The following ZNF568 variants were observed in gnomAD, a reference collection of about 807,000 sequenced individuals.
The protein encoded by ZNF568 is zinc finger protein 568, also known as p53 inhibitor of SCO2 activation.
In ZNF568, 11 loss-of-function variants were observed where a neutral mutation model predicts 18.1. The observed-to-expected ratio is 0.61, with a 90% CI of 0.38 to 1.00. The LOEUF (loss-of-function observed/expected upper bound fraction) is 1.00. Among genes scored for constraint, ZNF568 ranks in the 50% least tolerant of loss-of-function variants. The pLI is 0.01. For synonymous variants in ZNF568, 213 were observed against 246.6 expected, an observed-to-expected ratio of 0.86 and a Z score of 1.28; for missense variants, 639 against 768.2, an observed-to-expected ratio of 0.83 and a Z score of 1.99.
Position 36,951,877 on chromosome 19 carries a change from T to C in ZNF568, c.*789T>C, listed in dbSNP as rs1409033440. The C allele has an allele frequency of 3.2e-6, 3 of 928,614 alleles. No individual in the cohort carries two copies. The African/African-American group carries it at 5.4e-5, about 17-fold the overall frequency. The allele number at this position is 928,614 out of a possible 1,614,324, so 57.5% of individuals were successfully genotyped here. On this transcript the variant is annotated 3_prime_UTR_variant, in exon 7 of 7. Coordinates refer to ENST00000333987, the MANE Select transcript of ZNF568 (RefSeq NM_198539.4). ...CTCCTGACTTCAAAAGTGATCGCCC[T>C]CTTTGGCCTCCCAAAGTGCTGGGGT...
exon 5 of ZNF568, chr19:36,997,108 C>T: frequency 6.4e-7 from 1 of 1,566,828 alleles, no homozygotes; most frequent in Non-Finnish European, 8.6e-7. Flanking sequence ...TCAGATAATC[C>T]ATACTGGTGA....
At chr19:36,927,881 T>G (rs2073591744) in intron 4 of ZNF568, among the ~76,000 whole-genome samples, 1 of 56,000 alleles carries the variant, frequency 1.8e-5, no homozygotes, top group Non-Finnish European at 2.9e-5. Flanking sequence ...TATATATATA[T>G]ATATATTATA....
intron 4 of ZNF568, among the ~76,000 whole-genome samples, chr19:36,929,938 T>A (rs1370924187): frequency 2.0e-5 from 2 of 100,024 alleles, no homozygotes; most frequent in African/African-American, 1.0e-4. Context: ...GGCAGAAGCG[T>A]GTTCATGTTT....
intron 6 of ZNF568, 133 bp downstream of exon 6, chr19:36,937,375 G>T: frequency 1.6e-6 from 1 of 609,304 alleles, no homozygotes; most frequent in Non-Finnish European, 2.7e-6. Flanking sequence ...GGGATGGAGT[G>T]CTTTAGATTA....
At chr19:36,996,185 C>G (rs913133917) in intron 4 of ZNF568, 3 of 782,066 alleles carry the variant, frequency 3.8e-6, no homozygotes, top group Non-Finnish European at 5.9e-6. Context: ...TTTTTCACTT[C>G]CCTTTTTTTT....
chr19:36,938,908 G>C (rs1452717592), intron 6 of ZNF568, among the ~76,000 whole-genome samples: 1 of 152,068 alleles, frequency 6.6e-6, no homozygotes, highest in African/African-American at 2.4e-5. Flanking sequence ...CATGATTTTT[G>C]TTCCTTGAAA....
downstream of ZNF568, among the ~76,000 whole-genome samples, chr19:36,984,410 C>T (rs1644663): frequency 0.53 from 81,117 of 151,850 alleles, 22,180 homozygotes; most frequent in African/African-American, 0.62. Flanking sequence ...TCTTAACTTA[C>T]TAGTGTCTAA....
chr19:36,962,761 C>T (rs1166132739), intron 6 of ZNF568, among the ~76,000 whole-genome samples: 1 of 151,968 alleles, frequency 6.6e-6, no homozygotes, highest in East Asian at 1.9e-4. Flanking sequence ...GCATTCTTGG[C>T]TAGTTTTCTT....
intron 4 of ZNF568, among the ~76,000 whole-genome samples, chr19:36,994,694 T>C (rs2551054): frequency 0.53 from 81,097 of 151,820 alleles, 22,163 homozygotes; most frequent in African/African-American, 0.61. Flanking sequence ...TTTTCTGAGA[T>C]GGAGTCTAGT....
At chr19:36,958,614 TTC>T (rs1258052045) in intron 6 of ZNF568, among the ~76,000 whole-genome samples, 4 of 95,242 alleles carry the variant, frequency 4.2e-5, no homozygotes, top group Non-Finnish European at 9.1e-5. Context: ...TTCTTTTTCT[TTC>T]TTTTTTTTTT....
intron 7 of ZNF568, chr19:36,974,579 G>A: frequency 8.7e-7 from 1 of 1,151,112 alleles, no homozygotes; most frequent in Non-Finnish European, 1.2e-6. Flanking sequence ...AAGGGGAAGA[G>A]GGGAGGAAAC....
downstream of ZNF568, among the ~76,000 whole-genome samples, chr19:36,981,380 A>G (rs1216860336): frequency 6.6e-6 from 1 of 152,180 alleles, no homozygotes; most frequent in Non-Finnish European, 1.5e-5. Context: ...AATGATTTAT[A>G]ATGCATTAAA....
At chr19:36,935,199 T>C (rs2073768139) in intron 4 of ZNF568, among the ~76,000 whole-genome samples, 1 of 151,956 alleles carries the variant, frequency 6.6e-6, no homozygotes, top group South Asian at 2.1e-4. Context: ...CTGTTAGATC[T>C]GGTTGGTATA....
chr19:36,968,702 G>A (rs1341801304), intron 6 of ZNF568, among the ~76,000 whole-genome samples: 4 of 150,290 alleles, frequency 2.7e-5, no homozygotes, highest in South Asian at 2.1e-4. Context: ...TTAGCCAAGT[G>A]ATCAAATTGG....
intron 2 of ZNF568, among the ~76,000 whole-genome samples, chr19:36,919,349 T>C (rs575756048): frequency 1.9e-4 from 29 of 152,258 alleles, no homozygotes; most frequent in African/African-American, 7.0e-4. Context: ...ATGGACTATA[T>C]ACATACATGA....
In ZNF568 at chr19:36,946,981, T is replaced by A. The variant is rs114740680; in HGVS notation, c.359-2531T>A. Among the ~76,000 whole-genome samples the A allele has an allele frequency of 4.0e-3, 598 of 151,234 alleles. 6 individuals are homozygous for A. Among genetic ancestry groups the A allele is most frequent in the African/African-American group, 0.014 (570 of 41,198 alleles). On this transcript the variant is annotated intron_variant, in intron 6 of 6. Transcript: ENST00000333987. Reference sequence around the variant, plus strand: ...TTAACTAGTGGACTATACTGTAGAATGGTTGGATCAGAACCTAGAAGATTT... The same window carrying A: ...TTAACTAGTGGACTATACTGTAGAAAGGTTGGATCAGAACCTAGAAGATTT...
chr19:36,958,616 C>CTTTCT (rs773667287), intron 6 of ZNF568, among the ~76,000 whole-genome samples: 41 of 99,080 alleles, frequency 4.1e-4, no homozygotes, highest in African/African-American at 1.5e-3. Flanking sequence ...CTTTTTCTTT[C>CTTTCT]TTTTTTTTTT....
chr19:36,992,016 G>C (rs1011156630), intron 4 of ZNF568, among the ~76,000 whole-genome samples: 9 of 152,066 alleles, frequency 5.9e-5, no homozygotes, highest in Non-Finnish European at 1.0e-4. Context: ...GCTGAGGCGG[G>C]CAGATCACAA....
At chr19:36,957,083 A>C (rs183409331), downstream of ZNF568, among the ~76,000 whole-genome samples, 3 of 152,244 alleles carry the variant, frequency 2.0e-5, no homozygotes, top group African/African-American at 7.2e-5. Flanking sequence ...GGGTTCTCAT[A>C]TCTGCTTCTA....
Sources: gnomAD v4.1 joint callset for allele counts (sites outside exome capture counted in the v4.1 genomes callset) on GRCh38, gnomAD v4.1.1 for gene constraint, MANE v1.5 for transcripts, NCBI Gene and HGNC (gene_info 2026-07-23, HGNC 2026-07-21) for gene names.